Variants in XKR4 observed in about 807,000 individuals in gnomAD.
XKR4 encodes XK related 4.
XKR4 carries 12 observed loss-of-function variants against 53.9 expected under a neutral mutation model. That is an observed-to-expected ratio of 0.22 (90% CI 0.14 to 0.36). The LOEUF is 0.36. Among genes scored for constraint, XKR4 ranks in the 10% least tolerant of loss-of-function variants. The pLI, the probability that XKR4 is intolerant of heterozygous loss-of-function variation, is 1.00. For missense variants in XKR4, 799 were observed against 859.5 expected (o/e 0.93, Z 0.88); for synonymous variants, 354 against 362.4 (o/e 0.98, Z 0.26).
At chr8:55,302,245 A>G (rs1286966644) in intron 1 of XKR4, among the ~76,000 whole-genome samples, 1 of 152,218 alleles carries the variant, frequency 6.6e-6, no homozygotes, top group African/African-American at 2.4e-5. Context: ...CCATTTATTA[A>G]ATAGGGAATC....
At chr8:55,491,495 A>C (rs1313927018) in intron 2 of XKR4, among the ~76,000 whole-genome samples, 3 of 151,922 alleles carry the variant, frequency 2.0e-5, no homozygotes, top group Non-Finnish European at 1.5e-5. Context: ...GGGCCTCTTA[A>C]AACACTGGTA....
chr8:55,228,357 A>G (rs973657635), intron 1 of XKR4, among the ~76,000 whole-genome samples: 1 of 152,242 alleles, frequency 6.6e-6, no homozygotes, highest in Non-Finnish European at 1.5e-5. Flanking sequence ...ATCAAAAAGA[A>G]CCACTTAATA....
intron 2 of XKR4, among the ~76,000 whole-genome samples, chr8:55,406,337 G>A (rs542699142): frequency 6.6e-6 from 1 of 152,186 alleles, no homozygotes; most frequent in Admixed American, 6.5e-5. Context: ...CCACCTATCA[G>A]CATTAACTGT....
intron 2 of XKR4, among the ~76,000 whole-genome samples, chr8:55,431,336 G>T (rs775557493): frequency 6.6e-6 from 1 of 152,112 alleles, no homozygotes; most frequent in African/African-American, 2.4e-5. Flanking sequence ...AACATCATTA[G>T]GCTGTACAAC....
intron 1 of XKR4, among the ~76,000 whole-genome samples, chr8:55,153,429 C>T (rs188497406): frequency 4.6e-5 from 7 of 152,200 alleles, no homozygotes; most frequent in African/African-American, 7.2e-5. Flanking sequence ...TTGTGACCTT[C>T]GAAGAACATA....
At chr8:55,327,833 C>T (rs187679023) in intron 1 of XKR4, among the ~76,000 whole-genome samples, 2 of 152,228 alleles carry the variant, frequency 1.3e-5, no homozygotes, top group East Asian at 3.9e-4. Flanking sequence ...AAAATAAAGT[C>T]TGTCCAACCT....
intron 1 of XKR4, among the ~76,000 whole-genome samples, chr8:55,184,839 T>C (rs939210350): frequency 3.9e-5 from 6 of 152,162 alleles, no homozygotes; most frequent in African/African-American, 1.4e-4. Context: ...TTCTCGGGTG[T>C]AGATCTATTT....
intron 2 of XKR4, among the ~76,000 whole-genome samples, chr8:55,521,666 T>G (rs886533112): frequency 6.6e-6 from 1 of 152,248 alleles, no homozygotes; most frequent in Non-Finnish European, 1.5e-5. Context: ...AGAAAATATT[T>G]TCCTTATCAA....
At chr8:55,144,321 G>C (rs1254159280) in intron 1 of XKR4, among the ~76,000 whole-genome samples, 1 of 151,838 alleles carries the variant, frequency 6.6e-6, no homozygotes, top group Non-Finnish European at 1.5e-5. Context: ...GTCTTGGTCT[G>C]GGTTTCATTT....
chr8:55,355,525 C>G (rs983504224), intron 1 of XKR4, among the ~76,000 whole-genome samples: 3 of 152,170 alleles, frequency 2.0e-5, no homozygotes, highest in African/African-American at 7.2e-5. Flanking sequence ...ATATCACATT[C>G]TTCAGAAAAT....
chr8:55,263,239 G>A (rs751459377), intron 1 of XKR4, among the ~76,000 whole-genome samples: 1 of 152,216 alleles, frequency 6.6e-6, no homozygotes, highest in Non-Finnish European at 1.5e-5. Context: ...ACTACCCCAT[G>A]TGGGGAGCAT....
At chr8:55,480,992 C>A (rs1210763776) in intron 2 of XKR4, among the ~76,000 whole-genome samples, 1 of 152,118 alleles carries the variant, frequency 6.6e-6, no homozygotes, top group African/African-American at 2.4e-5. Flanking sequence ...TTTATAGATT[C>A]AATGCCATCC....
At chr8:55,325,467 G>T (rs915452435) in intron 1 of XKR4, among the ~76,000 whole-genome samples, 2 of 152,006 alleles carry the variant, frequency 1.3e-5, no homozygotes, top group Admixed American at 6.6e-5. Flanking sequence ...TTACTGTATT[G>T]GCATGAGCAA....
At chr8:55,380,716 C>T (rs933392885) in intron 2 of XKR4, among the ~76,000 whole-genome samples, 5 of 152,232 alleles carry the variant, frequency 3.3e-5, no homozygotes, top group African/African-American at 1.2e-4. Context: ...AGAAGTGCCT[C>T]TTATCAACTC....
intron 2 of XKR4, among the ~76,000 whole-genome samples, chr8:55,376,740 A>G (rs1370546967): frequency 1.3e-5 from 2 of 152,286 alleles, no homozygotes; most frequent in East Asian, 3.9e-4. Context: ...CAGTTCTGGG[A>G]AAGTATAGGA....
chr8:55,483,463 G>T (rs929055474), intron 2 of XKR4, among the ~76,000 whole-genome samples: 1 of 152,070 alleles, frequency 6.6e-6, no homozygotes, highest in African/African-American at 2.4e-5. Flanking sequence ...GTTGCAAGAA[G>T]TAATGAGAAA....
At chr8:55,451,578 C>T in intron 2 of XKR4, 1 of 1,249,170 alleles carries the variant, frequency 8.0e-7, no homozygotes, top group Non-Finnish European at 1.1e-6. Context: ...CTGCCTTGGA[C>T]CGCCGGATGC....
chr8:55,339,919 T>A (rs1410188336), intron 1 of XKR4, among the ~76,000 whole-genome samples: 2 of 152,250 alleles, frequency 1.3e-5, no homozygotes, highest in African/African-American at 2.4e-5. Context: ...TGAAATCGGT[T>A]GGATTTTCCT....
At chr8:55,233,386 C>T (rs984726804) in intron 1 of XKR4, among the ~76,000 whole-genome samples, 1 of 148,650 alleles carries the variant, frequency 6.7e-6, no homozygotes, top group Non-Finnish European at 1.5e-5. Flanking sequence ...GCCATCTGAT[C>T]TTTTTTTTTT....
Sources: gnomAD v4.1 joint callset for allele counts (sites outside exome capture counted in the v4.1 genomes callset) on GRCh38, gnomAD v4.1.1 for gene constraint, MANE v1.5 for transcripts, NCBI Gene and HGNC (gene_info 2026-07-23, HGNC 2026-07-21) for gene names.